ARHGAP11B: variants seen among roughly 807,000 people sequenced by gnomAD.
ARHGAP11B encodes inactive Rho GTPase-activating protein 11B.
In ARHGAP11B, 14 loss-of-function variants were observed where a neutral mutation model predicts 27.6. The ratio of observed to expected loss-of-function variants is 0.51; its 90% CI spans 0.34 to 0.79. ARHGAP11B has a LOEUF of 0.79. Among genes scored for constraint, ARHGAP11B ranks in the 30% least tolerant of loss-of-function variants. The pLI is 0.02. For synonymous variants in ARHGAP11B, 82 were observed against 114.1 expected, an observed-to-expected ratio of 0.72 and a Z score of 1.80; for missense variants, 245 against 320.1, an observed-to-expected ratio of 0.77 and a Z score of 1.79.
At chr15:30,646,514 A>G (rs889497944) in intron 9 of ARHGAP11B, among the ~76,000 whole-genome samples, 3 of 151,920 alleles carry the variant, frequency 2.0e-5, no homozygotes, top group South Asian at 2.1e-4. Context: ...TAATACTTAG[A>G]TTTCCATTTT....
chr15:30,637,899 A>T (rs1022396227), intron 6 of ARHGAP11B, among the ~76,000 whole-genome samples: 13 of 147,618 alleles, frequency 8.8e-5, no homozygotes, highest in African/African-American at 2.5e-4. Flanking sequence ...GGTTCACTGC[A>T]ATCTCCACCT....
At chr15:30,628,706 A>G (rs2140888419) in intron 1 of ARHGAP11B, among the ~76,000 whole-genome samples, 1 of 152,210 alleles carries the variant, frequency 6.6e-6, no homozygotes, top group Non-Finnish European at 1.5e-5. Flanking sequence ...GAATATTCTA[A>G]TGAAGAAATG....
chr15:30,646,607 G>T (rs1468126326), intron 9 of ARHGAP11B, among the ~76,000 whole-genome samples: 21 of 151,708 alleles, frequency 1.4e-4, no homozygotes, highest in Admixed American at 8.5e-4. Flanking sequence ...AGCCTGCAGT[G>T]AGCTGAGATT....
chr15:30,627,053 A>T (rs1329584839), intron 1 of ARHGAP11B, 104 bp downstream of exon 1: 1 of 1,532,642 alleles, frequency 6.5e-7, no homozygotes. Context: ...TATCAAAAAG[A>T]ATGGTTAGGT....
chr15:30,633,526 T>G, exon 3 of ARHGAP11B: 1 of 1,613,476 alleles, frequency 6.2e-7, no homozygotes. Flanking sequence ...TAGAAGAACA[T>G]ATTCATACCG....
intron 6 of ARHGAP11B, among the ~76,000 whole-genome samples, chr15:30,637,750 A>G (rs1446248392): frequency 6.6e-6 from 1 of 151,802 alleles, no homozygotes; most frequent in Admixed American, 6.6e-5. Flanking sequence ...AAAAATTAAA[A>G]AAAGAATCTT....
Position 30,638,829 on chromosome 15 carries a change from T to G in ARHGAP11B, c.*78+9T>G, listed in dbSNP as rs1409225976. ...TCAACAAGAAAGAATTGGTAGGTAT[T>G]TATTATATGCATTTATTTAAATTAA... On this transcript the variant is annotated intron_variant, in intron 7 of 10. Coordinates refer to ENST00000428041, the Ensembl canonical transcript of ARHGAP11B. The G allele has an allele frequency of 7.5e-7, 1 of 1,336,342 alleles. No individual in the cohort carries two copies. 82.8% of individuals were successfully genotyped at this position (1,336,342 alleles called of 1,614,324 possible). A position where few individuals can be genotyped will look rare whatever the true frequency, so the allele number is the denominator to read the frequency against.
rs2170760 is a variant in ARHGAP11B at position 30,633,292 on chromosome 15, T to G, written c.201-198T>G. 5.3e-5 allele frequency among the ~76,000 whole-genome samples: 8 copies of G among 152,108 alleles called. No homozygotes were observed. In the East Asian group the frequency reaches 5.8e-4, roughly 11 times the overall value. On this transcript the variant is annotated intron_variant, in intron 2 of 10. Transcript: ENST00000428041. ...TTTAGTGTGCATATTGGAGTTGTTA[T>G]AAGTAAAAAGATGGGCCTTGGAGAA...
rs575308378 is a variant in ARHGAP11B at position 30,645,514 on chromosome 15, C to A, written c.*143-600C>A. ...CCTAGAGAATTATTACCTGGAAATA[C>A]TATTTATTTTTTCTTCTTTGGTTTA... On this transcript the variant is annotated intron_variant, in intron 8 of 10. Transcript: ENST00000428041. 7.2e-5 allele frequency among the ~76,000 whole-genome samples: 11 copies of A among 152,010 alleles called. 1 individual carries two copies. The South Asian group carries it at 2.3e-3, about 31-fold the overall frequency.
exon 9 of ARHGAP11B, chr15:30,646,231 T>TTTGCTA: frequency 9.6e-7 from 1 of 1,042,426 alleles, no homozygotes; most frequent in Non-Finnish European, 1.2e-6. Flanking sequence ...TTTAATCTCC[T>TTTGCTA]TTGCTATTTG....
Position 30,629,436 on chromosome 15 carries a change from C to T in ARHGAP11B, c.130-1267C>T, listed in dbSNP as rs201797142. Among the ~76,000 whole-genome samples the T allele has an allele frequency of 7.9e-5, 12 of 152,096 alleles. 1 individual carries two copies. The South Asian group carries it at 2.5e-3, about 32-fold the overall frequency. ...GGGCGTGGTGGCGGGCGCCTGTAGT[C>T]CCAGCTACTCGGGAAGCTGAGGCAG... On this transcript the variant is annotated intron_variant, in intron 1 of 10. Coordinates refer to ENST00000428041, the Ensembl canonical transcript of ARHGAP11B.
intron 9 of ARHGAP11B, among the ~76,000 whole-genome samples, chr15:30,647,367 A>G (rs1044719809): frequency 2.6e-5 from 4 of 151,638 alleles, no homozygotes; most frequent in Non-Finnish European, 5.9e-5. Flanking sequence ...ATTTAAGTTC[A>G]TTTGCTCCCA....
chr15:30,637,429 C>G (rs2060286709), intron 6 of ARHGAP11B, among the ~76,000 whole-genome samples: 1 of 152,036 alleles, frequency 6.6e-6, no homozygotes, highest in Non-Finnish European at 1.5e-5. Flanking sequence ...GTGTTTATTG[C>G]ATTGTTACTG....
At chr15:30,638,350 TATA>T (rs1292509681) in intron 6 of ARHGAP11B, among the ~76,000 whole-genome samples, 4 of 151,936 alleles carry the variant, frequency 2.6e-5, no homozygotes, top group Non-Finnish European at 5.9e-5. Context: ...TATTTATTGA[TATA>T]ATGTTTTTAC....
At chr15:30,646,132 T>G in exon 9 of ARHGAP11B, 1 of 1,031,740 alleles carries the variant, frequency 9.7e-7, no homozygotes, top group Non-Finnish European at 1.2e-6. Flanking sequence ...TTATAATTTC[T>G]GAAAGACCAA....
At chr15:30,626,848 G>A (rs189359089) in exon 1 of ARHGAP11B, 2 of 1,613,718 alleles carry the variant, frequency 1.2e-6, no homozygotes, top group South Asian at 1.1e-5. Context: ...GGTGAAGTTG[G>A]CCCTGTTGCA....
Position 30,630,759 on chromosome 15 carries a change from T to A in ARHGAP11B, c.186T>A (p.Tyr62Ter). ...TGCCCCATTCTGCTGTACCAGAATA[T>A]GGACACATTCCAAGGTAAGCAGAGT... is the stretch of plus-strand genomic sequence containing the variant. Residue 62 changes from tyrosine to a stop codon, truncating the protein, a stop_gained, in exon 2 of 11, where the codon TAT becomes TAA. Coordinates refer to ENST00000428041, the Ensembl canonical transcript of ARHGAP11B. LOFTEE classifies it high-confidence loss of function. 6.2e-7 allele frequency: 1 copy of A among 1,611,226 alleles called. No homozygotes were observed. Among genetic ancestry groups the A allele is most frequent in the Non-Finnish European group, 8.5e-7 (1 of 1,178,542 alleles).
chr15:30,648,077 G>A (rs527600261), intron 10 of ARHGAP11B, among the ~76,000 whole-genome samples: 9 of 152,046 alleles, frequency 5.9e-5, no homozygotes, highest in Admixed American at 4.6e-4. Flanking sequence ...AGGATTACAG[G>A]AGTGAGCCAC....
At chr15:30,627,918 G>C (rs1163731854) in intron 1 of ARHGAP11B, among the ~76,000 whole-genome samples, 3 of 151,874 alleles carry the variant, frequency 2.0e-5, no homozygotes, top group Admixed American at 6.6e-5. Flanking sequence ...ATTTTTGTTG[G>C]TAGCAAATTA....
Sources: gnomAD v4.1 joint callset for allele counts (sites outside exome capture counted in the v4.1 genomes callset) on GRCh38, gnomAD v4.1.1 for gene constraint, MANE v1.5 for transcripts, NCBI Gene and HGNC (gene_info 2026-07-23, HGNC 2026-07-21) for gene names.